Variants in KCNIP4 observed in about 807,000 individuals in gnomAD.
The protein encoded by KCNIP4 is Kv channel-interacting protein 4.
KCNIP4 carries 12 observed loss-of-function variants against 34.0 expected under a neutral mutation model. The observed-to-expected ratio is 0.35, with a 90% CI of 0.23 to 0.57. The LOEUF is 0.57. Among genes scored for constraint, KCNIP4 ranks in the 20% least tolerant of loss-of-function variants. KCNIP4 has a pLI of 0.83. For synonymous variants in KCNIP4, 124 were observed against 102.2 expected (o/e 1.21, Z -1.29); for missense variants, 238 against 311.7 (o/e 0.76, Z 1.78).
rs760820350 is a variant in KCNIP4, at chr4:20,732,788, GA to G, written c.538-4del. 8.2e-6 allele frequency: 13 copies of G among 1,584,308 alleles called. No homozygotes were observed. Among genetic ancestry groups the G allele is most frequent in the Non-Finnish European group, 1.1e-5 (13 of 1,154,132 alleles). On this transcript the variant is annotated splice_region_variant and splice_polypyrimidine_tract_variant and intron_variant, in intron 6 of 8. Coordinates refer to ENST00000382152, the MANE Select transcript of KCNIP4 (RefSeq NM_025221.6). ...GCTTTCATTATATCAAGCATTTCCT[GA>G]AAAATAAAAGGCACTCACGTGAGGC...
intron 1 of KCNIP4, among the ~76,000 whole-genome samples, chr4:21,868,315 T>C (rs1725552838): frequency 6.6e-6 from 1 of 152,222 alleles, no homozygotes; most frequent in Non-Finnish European, 1.5e-5. Context: ...CAAGGGGATG[T>C]ACACATTACG....
At chr4:21,784,213 G>A (rs1369637897) in intron 1 of KCNIP4, among the ~76,000 whole-genome samples, 4 of 152,032 alleles carry the variant, frequency 2.6e-5, no homozygotes, top group Non-Finnish European at 2.9e-5. Flanking sequence ...CACGAGAATG[G>A]CATGGGGGAA....
chr4:21,482,708 T>C (rs1410211990), intron 1 of KCNIP4, among the ~76,000 whole-genome samples: 1 of 152,174 alleles, frequency 6.6e-6, no homozygotes, highest in Non-Finnish European at 1.5e-5. Flanking sequence ...CTTCCCTTTG[T>C]GGGTAACCCG....
intron 3 of KCNIP4, among the ~76,000 whole-genome samples, chr4:20,799,848 T>C (rs932811548): frequency 6.6e-6 from 1 of 152,136 alleles, no homozygotes; most frequent in Non-Finnish European, 1.5e-5. Context: ...AATCCCTTCT[T>C]CTCCAGAGCT....
At chr4:21,026,442 C>T (rs998571112) in intron 1 of KCNIP4, among the ~76,000 whole-genome samples, 2 of 151,990 alleles carry the variant, frequency 1.3e-5, no homozygotes, top group Non-Finnish European at 2.9e-5. Flanking sequence ...TCGGTTGAAC[C>T]CAGGAGTTTG....
At chr4:20,875,170 C>T (rs1723880218) in intron 2 of KCNIP4, among the ~76,000 whole-genome samples, 1 of 151,870 alleles carries the variant, frequency 6.6e-6, no homozygotes, top group Admixed American at 6.6e-5. Context: ...TATGACGGTC[C>T]CATGTTGAGC....
At chr4:21,199,438 G>GT (rs2108948786) in intron 1 of KCNIP4, among the ~76,000 whole-genome samples, 1 of 152,238 alleles carries the variant, frequency 6.6e-6, no homozygotes, top group East Asian at 1.9e-4. Flanking sequence ...TTGTAAATTT[G>GT]TTTAAGTTCT....
chr4:21,276,049 C>T (rs933183792), intron 1 of KCNIP4, among the ~76,000 whole-genome samples: 1 of 152,148 alleles, frequency 6.6e-6, no homozygotes, highest in African/African-American at 2.4e-5. Flanking sequence ...CTACATGTGG[C>T]CTGCAGGCAG....
chr4:21,603,612 G>A (rs770859655), intron 1 of KCNIP4, among the ~76,000 whole-genome samples: 1 of 151,944 alleles, frequency 6.6e-6, no homozygotes, highest in Non-Finnish European at 1.5e-5. Flanking sequence ...AAATCACGGG[G>A]TCCAACTTCT....
chr4:21,886,922 A>T (rs1726801624), intron 1 of KCNIP4, among the ~76,000 whole-genome samples: 1 of 152,130 alleles, frequency 6.6e-6, no homozygotes, highest in African/African-American at 2.4e-5. Context: ...GTGAGCGTTC[A>T]TTTGAAGACC....
At chr4:20,791,550 A>G (rs1712757822) in intron 3 of KCNIP4, among the ~76,000 whole-genome samples, 1 of 152,164 alleles carries the variant, frequency 6.6e-6, no homozygotes, top group South Asian at 2.1e-4. Flanking sequence ...CTCTTGTAAG[A>G]TATTTTTTTT....
chr4:21,000,402 A>T (rs947998661), intron 1 of KCNIP4, among the ~76,000 whole-genome samples: 3 of 152,108 alleles, frequency 2.0e-5, no homozygotes, highest in Non-Finnish European at 1.5e-5. Context: ...AAAAAGAAAA[A>T]AAAAAGACAC....
intron 1 of KCNIP4, among the ~76,000 whole-genome samples, chr4:20,992,586 C>T (rs909041621): frequency 3.3e-5 from 5 of 152,084 alleles, no homozygotes; most frequent in African/African-American, 9.7e-5. Flanking sequence ...CCCTTTCTGC[C>T]TCTCCCCCAC....
intron 1 of KCNIP4, among the ~76,000 whole-genome samples, chr4:21,518,220 T>C (rs1734925909): frequency 6.6e-6 from 1 of 152,174 alleles, no homozygotes; most frequent in Admixed American, 6.6e-5. Context: ...ATGGGATCAA[T>C]ATATTGGCCT....
At chr4:21,280,801 C>T (rs1316769317) in intron 1 of KCNIP4, among the ~76,000 whole-genome samples, 3 of 152,248 alleles carry the variant, frequency 2.0e-5, no homozygotes, top group South Asian at 4.1e-4. Context: ...CATGGTAGTA[C>T]TGGGAACTAG....
At chr4:21,115,027 C>T (rs1303888476) in intron 1 of KCNIP4, among the ~76,000 whole-genome samples, 2 of 152,192 alleles carry the variant, frequency 1.3e-5, no homozygotes, top group South Asian at 2.1e-4. Context: ...TTTCACCAGT[C>T]ATCCACATGG....
intron 1 of KCNIP4, among the ~76,000 whole-genome samples, chr4:21,693,493 G>T (rs977196343): frequency 6.6e-6 from 1 of 152,036 alleles, no homozygotes; most frequent in Non-Finnish European, 1.5e-5. Flanking sequence ...AACCCAGGAG[G>T]TGGAGGTTGC....
intron 5 of KCNIP4, among the ~76,000 whole-genome samples, chr4:20,743,753 A>C (rs2149314890): frequency 6.6e-6 from 1 of 152,300 alleles, no homozygotes; most frequent in African/African-American, 2.4e-5. Flanking sequence ...TGGCAACAAA[A>C]GCCAAAATTG....
rs1414257003 is a variant in KCNIP4 at position 21,172,894 on chromosome 4, C to G, written c.62-290185G>C. 4.6e-5 allele frequency among the ~76,000 whole-genome samples: 7 copies of G among 152,304 alleles called. No individual in the cohort carries two copies. In the East Asian group the frequency reaches 1.4e-3, roughly 29 times the overall value. ...TCATTAAAGGTAGTTCTGAGAATTT[C>G]TAAGTGAGCTGGAGCATCATACTCA... On this transcript the variant is annotated intron_variant, in intron 1 of 8. Coordinates refer to ENST00000382152, the MANE Select transcript of KCNIP4 (RefSeq NM_025221.6).
Sources: gnomAD v4.1 joint callset for allele counts (sites outside exome capture counted in the v4.1 genomes callset) on GRCh38, gnomAD v4.1.1 for gene constraint, MANE v1.5 for transcripts, NCBI Gene and HGNC (gene_info 2026-07-23, HGNC 2026-07-21) for gene names.